Variants in ALK observed in about 807,000 individuals in gnomAD.
The protein encoded by ALK is ALK receptor tyrosine kinase, also known as ALK tyrosine kinase receptor.
ALK carries 74 observed loss-of-function variants against 163.1 expected under a neutral mutation model. The ratio of observed to expected loss-of-function variants is 0.45; its 90% CI spans 0.38 to 0.55. The LOEUF is 0.55. Among genes scored for constraint, ALK ranks in the 20% least tolerant of loss-of-function variants. The pLI is 0.00. For missense variants in ALK, 2,063 were observed against 2,105.3 expected (o/e 0.98, Z 0.39); for synonymous variants, 960 against 843.2 (o/e 1.14, Z -2.40).
rs541680297 is a variant in ALK at position 29,879,535 on chromosome 2, C to T, written c.667+40458G>A. 2.0e-5 allele frequency among the ~76,000 whole-genome samples: 3 copies of T among 152,342 alleles called. No homozygotes were observed. In the South Asian group the frequency reaches 6.2e-4, roughly 32 times the overall value. On this transcript the variant is annotated intron_variant, in intron 1 of 28. Coordinates refer to ENST00000389048, the MANE Select transcript of ALK (RefSeq NM_004304.5). ...GCTCCAGCTCTTTAGGCATCAGACA[C>T]CTCCCAAACAAATCCCACTGTCCAC...
intron 5 of ALK, among the ~76,000 whole-genome samples, chr2:29,364,858 T>G (rs779234344): frequency 6.6e-6 from 1 of 152,210 alleles, no homozygotes; most frequent in Non-Finnish European, 1.5e-5. Context: ...AGGACCCATT[T>G]TGGTGAATGA....
intron 5 of ALK, among the ~76,000 whole-genome samples, chr2:29,358,432 C>T (rs925978733): frequency 5.9e-5 from 9 of 152,126 alleles, no homozygotes; most frequent in African/African-American, 1.9e-4. Flanking sequence ...AATATTTAAG[C>T]CTCACACAGA....
intron 1 of ALK, among the ~76,000 whole-genome samples, chr2:29,747,474 T>G (rs1345938554): frequency 6.6e-6 from 1 of 152,218 alleles, no homozygotes; most frequent in Admixed American, 6.5e-5. Context: ...TACATCGGTT[T>G]TGGAGTGACA....
chr2:29,577,272 C>T (rs1674550999), intron 3 of ALK, among the ~76,000 whole-genome samples: 1 of 152,008 alleles, frequency 6.6e-6, no homozygotes, highest in Admixed American at 6.6e-5. Flanking sequence ...GTCATTTTAC[C>T]CTTCTGAGCC....
intron 6 of ALK, among the ~76,000 whole-genome samples, chr2:29,322,160 T>C (rs781737577): frequency 1.1e-4 from 17 of 152,220 alleles, no homozygotes; most frequent in Non-Finnish European, 1.8e-4. Context: ...CCCACAGCAC[T>C]GCATGTCCTT....
At chr2:29,318,524 G>A in intron 7 of ALK, 120 bp from the exon 8 acceptor site, 1 of 741,224 alleles carries the variant, frequency 1.3e-6, no homozygotes, top group South Asian at 1.5e-5. Flanking sequence ...GAGGAAACAG[G>A]TTTCTGGCCT....
chr2:29,275,348 G>C (rs2148215310), intron 10 of ALK, 54 bp downstream of exon 10: 5 of 1,607,350 alleles, frequency 3.1e-6, no homozygotes, highest in Non-Finnish European at 3.4e-6. Flanking sequence ...GGGACAATGA[G>C]GCCATGGGCC....
At chr2:29,280,025 C>G (rs192576673) in intron 9 of ALK, among the ~76,000 whole-genome samples, 25 of 151,986 alleles carry the variant, frequency 1.6e-4, no homozygotes, top group Admixed American at 1.6e-3. Context: ...CTGTTATATA[C>G]CAGGTAGACC....
chr2:29,537,151 C>A (rs1673279983), intron 3 of ALK, among the ~76,000 whole-genome samples: 1 of 152,186 alleles, frequency 6.6e-6, no homozygotes, highest in Non-Finnish European at 1.5e-5. Flanking sequence ...GCCTGTGGAG[C>A]AACTCGCTAA....
intron 3 of ALK, among the ~76,000 whole-genome samples, chr2:29,676,982 C>G (rs893110437): frequency 1.3e-5 from 2 of 151,982 alleles, no homozygotes; most frequent in South Asian, 2.1e-4. Context: ...GATTTTGTAT[C>G]TGTGGCCTTG....
intron 3 of ALK, among the ~76,000 whole-genome samples, chr2:29,601,245 C>T (rs1460762102): frequency 6.6e-6 from 1 of 152,174 alleles, no homozygotes; most frequent in East Asian, 1.9e-4. Flanking sequence ...TAGACAGGTT[C>T]TAATACTTTA....
At chr2:29,674,656 C>A (rs1039010337) in intron 3 of ALK, among the ~76,000 whole-genome samples, 11 of 151,450 alleles carry the variant, frequency 7.3e-5, no homozygotes, top group Non-Finnish European at 1.3e-4. Flanking sequence ...TGTGTCTCTG[C>A]CAGGCTTTGG....
chr2:29,763,378 C>T (rs1414944609), intron 1 of ALK, among the ~76,000 whole-genome samples: 1 of 152,148 alleles, frequency 6.6e-6, no homozygotes, highest in Admixed American at 6.5e-5. Flanking sequence ...TGAGAGCTAG[C>T]TTTTTACCAG....
chr2:29,218,873 C>T (rs183557331), intron 23 of ALK, among the ~76,000 whole-genome samples: 1 of 152,258 alleles, frequency 6.6e-6, no homozygotes, highest in Non-Finnish European at 1.5e-5. Flanking sequence ...GCCAGTGAAT[C>T]TGATGCCTGT....
intron 9 of ALK, among the ~76,000 whole-genome samples, chr2:29,280,466 T>C (rs1400119584): frequency 6.6e-6 from 1 of 151,748 alleles, no homozygotes; most frequent in Non-Finnish European, 1.5e-5. Context: ...CGGGGGTTAG[T>C]TCTAGTATGT....
intron 5 of ALK, among the ~76,000 whole-genome samples, chr2:29,350,147 T>C (rs868629282): frequency 6.6e-6 from 1 of 152,224 alleles, no homozygotes; most frequent in Non-Finnish European, 1.5e-5. Flanking sequence ...ATAATCCCGG[T>C]CCTGTCTATC....
chr2:29,886,916 G>A (rs1667000760), intron 1 of ALK, among the ~76,000 whole-genome samples: 2 of 152,326 alleles, frequency 1.3e-5, no homozygotes, highest in South Asian at 2.1e-4. Flanking sequence ...AAGAAGGGAA[G>A]AGAAAGACTG....
intron 5 of ALK, among the ~76,000 whole-genome samples, chr2:29,363,313 C>T (rs1446973879): frequency 6.6e-6 from 1 of 152,232 alleles, no homozygotes; most frequent in East Asian, 1.9e-4. Flanking sequence ...GGGGCCTTCA[C>T]CGATGACAGC....
chr2:29,477,583 G>A (rs2148115662), intron 4 of ALK, among the ~76,000 whole-genome samples: 1 of 152,274 alleles, frequency 6.6e-6, no homozygotes, highest in South Asian at 2.1e-4. Context: ...AGATTTTAAA[G>A]GGCATGGACT....
Sources: allele counts gnomAD v4.1 joint callset (sites outside exome capture counted in the v4.1 genomes callset), GRCh38; gene constraint gnomAD v4.1.1; transcripts MANE v1.5; gene names NCBI Gene and HGNC (gene_info 2026-07-23, HGNC 2026-07-21).